The following CIAPIN1 variants were observed in gnomAD, a reference collection of about 807,000 sequenced individuals.
The protein encoded by CIAPIN1 is cytokine induced apoptosis inhibitor 1.
A neutral mutation model predicts 34.3 loss-of-function variants in CIAPIN1; 18 were observed. The observed-to-expected ratio is 0.52, with a 90% confidence interval of 0.36 to 0.78. CIAPIN1 has a LOEUF of 0.78. Ranked by LOEUF, CIAPIN1 falls within the 30% of genes least tolerant of loss-of-function variation. The probability of loss-of-function intolerance (pLI) is 0.00; values close to 1 mark genes in which losing one functional copy is unlikely to be tolerated. For missense variants in CIAPIN1, 310 were observed against 372.5 expected (o/e 0.83, Z 1.38); for synonymous variants, 131 against 140.4 (o/e 0.93, Z 0.47).
intron 8 of CIAPIN1, among the ~76,000 whole-genome samples, chr16:57,429,523 C>G (rs1006031498): frequency 8.6e-5 from 13 of 151,944 alleles, no homozygotes; most frequent in East Asian, 3.9e-4. Flanking sequence ...ATGGAGTCTC[C>G]CTCTGTCACC....
chr16:57,439,710 T>C (rs969682235), intron 2 of CIAPIN1, among the ~76,000 whole-genome samples: 5 of 152,226 alleles, frequency 3.3e-5, no homozygotes, highest in African/African-American at 7.2e-5. Flanking sequence ...TGAATATAAA[T>C]TGTGAAGATT....
At chr16:57,431,384 GTCC>G (rs1903084186) in intron 6 of CIAPIN1, 118 bp from the exon 7 acceptor site, 5 of 614,562 alleles carry the variant, frequency 8.1e-6, no homozygotes, top group Non-Finnish European at 1.4e-5. Flanking sequence ...TGTCCACCCT[GTCC>G]TCCTTTTGGT....
chr16:57,442,859 GCCT>G (rs2029900333), intron 1 of CIAPIN1, among the ~76,000 whole-genome samples: 1 of 152,078 alleles, frequency 6.6e-6, no homozygotes, highest in African/African-American at 2.4e-5. Flanking sequence ...TGGATCCACG[GCCT>G]CCATAATCTG....
chr16:57,437,444 T>C (rs1903229013), intron 3 of CIAPIN1, among the ~76,000 whole-genome samples: 1 of 152,104 alleles, frequency 6.6e-6, no homozygotes, highest in Non-Finnish European at 1.5e-5. Flanking sequence ...TTCATCTTAA[T>C]AGTATTTATC....
At chr16:57,436,988 G>A (rs1436971867) in intron 3 of CIAPIN1, among the ~76,000 whole-genome samples, 1 of 152,066 alleles carries the variant, frequency 6.6e-6, no homozygotes, top group Non-Finnish European at 1.5e-5. Flanking sequence ...ATAGCCAGGC[G>A]TGGTGGCACA....
chr16:57,434,012 C>T, intron 5 of CIAPIN1, 32 bp downstream of exon 5: 2 of 1,603,556 alleles, frequency 1.2e-6, no homozygotes, highest in Non-Finnish European at 1.7e-6. Flanking sequence ...TAAGCCCATT[C>T]AAACAGAAGA....
chr16:57,440,144 A>C lies in CIAPIN1; in HGVS notation c.157+628T>G, dbSNP rs149639820. On this transcript the variant is annotated intron_variant, in intron 2 of 8. Transcript: ENST00000394391. ...TGGGATGTCTGTCTTATATGGTTGC[A>C]GATAAGGGATGAAATAAGCCCTGGT... Among the ~76,000 whole-genome samples the C allele has an allele frequency of 2.0e-3, 302 of 152,296 alleles. 1 individual carries two copies. Among genetic ancestry groups the C allele is most frequent in the African/African-American group, 6.5e-3 (272 of 41,566 alleles).
chr16:57,433,712 A>G (rs777645552), intron 5 of CIAPIN1: 16 of 339,956 alleles, frequency 4.7e-5, no homozygotes, highest in Non-Finnish European at 7.4e-5. Flanking sequence ...TTACCACTAC[A>G]CTGTGAGGTC....
Position 57,429,144 on chromosome 16 carries a change from C to T in CIAPIN1, c.*26G>A. On this transcript the variant is annotated 3_prime_UTR_variant, in exon 9 of 9. Coordinates refer to ENST00000394391, the MANE Select transcript of CIAPIN1 (RefSeq NM_020313.4). ...GAGGGACAGGAGTTGGCTGGAGGAG[C>T]AGATGGGTCCCATGTCAGGAACCTC... 2 of 1,510,150 alleles carry T rather than the reference C, an allele frequency of 1.3e-6. No individual in the cohort carries two copies. The highest frequency in any genetic ancestry group is 1.8e-6 in the Non-Finnish European group (2 of 1,087,192). 93.5% of individuals were successfully genotyped at this position (1,510,150 alleles called of 1,614,324 possible). A position where few individuals can be genotyped will look rare whatever the true frequency, so the allele number is the denominator to read the frequency against.
chr16:57,439,323 C>T lies in CIAPIN1; in HGVS notation c.169G>A (p.Glu57Lys). 6.2e-7 allele frequency: 1 copy of T among 1,614,148 alleles called. No individual in the cohort carries two copies. Among genetic ancestry groups the T allele is most frequent in the Non-Finnish European group, 8.5e-7 (1 of 1,180,018 alleles). The change falls in exon 3 of 9, where the codon GAA becomes AAA. Residue 57 changes from glutamate to lysine, a missense_variant. Physicochemically the swap from Glu to Lys is moderately conservative, Grantham distance 56. Coordinates refer to ENST00000394391, the MANE Select transcript of CIAPIN1 (RefSeq NM_020313.4). ...IKQLLQSAHK[E>K]SSFDIILSGL... ...GACAAAATAATGTCAAAGCTGGATT[C>T]TTTGTGGGCAGCTGAAAAGAAGAGG...
rs140903446 is a variant in CIAPIN1 at position 57,440,820 on chromosome 16, C to T, written c.109G>A (p.Gly37Ser). The T allele has an allele frequency of 3.6e-5, 58 of 1,613,842 alleles. No homozygotes were observed. Among genetic ancestry groups the T allele is most frequent in the Middle Eastern group, 3.3e-4 (2 of 6,058 alleles). ...TCCACAGACACGCGGCCCTCATTGC[C>T]GGTTAACGCTTGAAGCTTATCCACC... ...GLVDKLQALT[G>S]NEGRVSVENI... is the part of the protein sequence containing the mutation. The change falls in exon 2 of 9, where the codon GGC (glycine) becomes AGC (serine). Residue 37 changes from glycine (G) to serine (S), a missense_variant. Physicochemically the swap from Gly to Ser is moderately conservative, Grantham distance 56 (BLOSUM62 0). Coordinates refer to ENST00000394391, the MANE Select transcript of CIAPIN1 (RefSeq NM_020313.4).
chr16:57,447,001 G>A (rs1188373617), intron 1 of CIAPIN1, among the ~76,000 whole-genome samples: 1 of 152,164 alleles, frequency 6.6e-6, no homozygotes, highest in Non-Finnish European at 1.5e-5. Flanking sequence ...TGGTAGGACC[G>A]GGTCTCAGAA....
At position 57,431,278 on chromosome 16, in the gene CIAPIN1, T is replaced by C; in HGVS notation, c.631-12A>G. ...GAGTCAATGAGATCCTGGAGAGTGT[T>C]CAAAGCAATGAGTGATACAGTCGTG... On this transcript the variant is annotated splice_polypyrimidine_tract_variant and intron_variant, in intron 6 of 8. Coordinates refer to ENST00000394391, the MANE Select transcript of CIAPIN1 (RefSeq NM_020313.4). 6.4e-7 allele frequency: 1 copy of C among 1,566,110 alleles called. No individual in the cohort carries two copies. Among genetic ancestry groups the C allele is most frequent in the Non-Finnish European group, 8.8e-7 (1 of 1,136,894 alleles).
At chr16:57,436,555 C>T (rs1275691133) in intron 4 of CIAPIN1, 101 bp downstream of exon 4, 2 of 841,372 alleles carry the variant, frequency 2.4e-6, no homozygotes, top group African/African-American at 3.5e-5. Context: ...TCCTTTGAAG[C>T]ATCATGTATC....
intron 1 of CIAPIN1, among the ~76,000 whole-genome samples, chr16:57,443,505 T>G (rs900573830): frequency 3.9e-5 from 6 of 152,214 alleles, no homozygotes; most frequent in African/African-American, 1.4e-4. Flanking sequence ...TCACCCAGGC[T>G]GGAATGCAGT....
Position 57,428,211 on chromosome 16 carries a change from G to A in CIAPIN1, c.*959C>T, listed in dbSNP as rs1902997675. On this transcript the variant is annotated 3_prime_UTR_variant, in exon 9 of 9. Coordinates refer to ENST00000394391, the MANE Select transcript of CIAPIN1 (RefSeq NM_020313.4). ...ATATCAATGAAAACTTTTATTTACTGGTAAAATATAAAAATCCAGGTCTCT... is the reference window on the plus strand; with the variant it reads ...ATATCAATGAAAACTTTTATTTACTAGTAAAATATAAAAATCCAGGTCTCT... 1 of 152,108 alleles carries A rather than the reference G, an allele frequency of 6.6e-6. No individual in the cohort carries two copies. The highest frequency in any genetic ancestry group is 1.5e-5 in the Non-Finnish European group (1 of 68,028). 9.4% of individuals were successfully genotyped at this position (152,108 alleles called of 1,614,324 possible).
rs1903123076 is a variant in CIAPIN1 at position 57,433,005 on chromosome 16, T to C, written c.557-445A>G. On this transcript the variant is annotated intron_variant, in intron 5 of 8. Transcript: ENST00000394391. ...CATTCTATAACATGAAGTTAAATTG[T>C]ACTTCCTATGTTACTGCAGGTGTTT... 2.6e-5 allele frequency among the ~76,000 whole-genome samples: 4 copies of C among 152,248 alleles called. No homozygotes were observed. The South Asian group carries it at 8.3e-4, about 31-fold the overall frequency.
chr16:57,436,583 CTT>C, intron 4 of CIAPIN1, 71 bp downstream of exon 4: 2 of 1,166,348 alleles, frequency 1.7e-6, no homozygotes, highest in Non-Finnish European at 2.5e-6. Context: ...CACAGCATTT[CTT>C]GTTTCCTAGT....
chr16:57,428,340 T>TC lies in CIAPIN1; in HGVS notation c.*829_*830insG, dbSNP rs1249955778. 4 of 152,192 alleles carry TC rather than the reference T, an allele frequency of 2.6e-5. No homozygotes were observed. The highest frequency in any genetic ancestry group is 4.4e-5 in the Non-Finnish European group (3 of 68,038). The allele number at this position is 152,192 out of a possible 1,614,324, so 9.4% of individuals were successfully genotyped here. ...CTCTGCTCAGAGAGACGTATTGTCGTTCAGAGTTCTGCCCTGCTTCCCTCT... is the reference window on the plus strand; with the variant it reads ...CTCTGCTCAGAGAGACGTATTGTCGTCTCAGAGTTCTGCCCTGCTTCCCTCT... On this transcript the variant is annotated 3_prime_UTR_variant, in exon 9 of 9. Coordinates refer to ENST00000394391, the MANE Select transcript of CIAPIN1 (RefSeq NM_020313.4).
Sources: gnomAD v4.1 joint callset for allele counts (sites outside exome capture counted in the v4.1 genomes callset) on GRCh38, gnomAD v4.1.1 for gene constraint, MANE v1.5 for transcripts, NCBI Gene and HGNC (gene_info 2026-07-23, HGNC 2026-07-21) for gene names.